The following ZC3H12B variants were observed in gnomAD, a reference collection of about 807,000 sequenced individuals.
ZC3H12B encodes probable ribonuclease ZC3H12B.
A neutral mutation model predicts 43.9 loss-of-function variants in ZC3H12B; 7 were observed. The ratio of observed to expected loss-of-function variants is 0.16; its 90% confidence interval spans 0.09 to 0.30. The LOEUF is 0.30. Among genes scored for constraint, ZC3H12B ranks in the 10% least tolerant of loss-of-function variants. ZC3H12B has a pLI of 1.00. For synonymous variants in ZC3H12B, 222 were observed against 241.7 expected (o/e 0.92, Z 0.76); for missense variants, 475 against 670.2 (o/e 0.71, Z 3.22).
chrX:65,222,694 T>C, the ZC3H12B span, among the ~76,000 whole-genome samples: 2 of 108,301 alleles, frequency 1.8e-5, no homozygotes, highest in Non-Finnish European at 3.8e-5. Flanking sequence ...GAAAGACCTC[T>C]ACATGGAAAA....
At chrX:65,296,677 C>A in the ZC3H12B span, among the ~76,000 whole-genome samples, 1 of 110,429 alleles carries the variant, frequency 9.1e-6, no homozygotes, top group Non-Finnish European at 1.9e-5. Context: ...CACCTTAATA[C>A]CAAAACCAGG....
At chrX:65,207,165 T>A in the ZC3H12B span, among the ~76,000 whole-genome samples, 1 of 107,394 alleles carries the variant, frequency 9.3e-6, no homozygotes, top group Non-Finnish European at 1.9e-5. Context: ...GGGTTTCTAC[T>A]TAGAAAAAAA....
chrX:65,249,866 G>A, the ZC3H12B span, among the ~76,000 whole-genome samples: 1 of 93,933 alleles, frequency 1.1e-5, no homozygotes, highest in Admixed American at 1.3e-4. Context: ...TTCTCCACTT[G>A]GTTGTTGTTG....
chrX:65,492,515 G>A (rs1201128980), intron 1 of ZC3H12B, among the ~76,000 whole-genome samples: 3 of 111,863 alleles, frequency 2.7e-5, no homozygotes, highest in Admixed American at 1.9e-4. Flanking sequence ...TACTAAAATA[G>A]TGCAGAGTAG....
At chrX:65,329,928 A>G in the ZC3H12B span, among the ~76,000 whole-genome samples, 3 of 111,943 alleles carry the variant, frequency 2.7e-5, no homozygotes, top group South Asian at 1.1e-3. Flanking sequence ...TGGTACCAGT[A>G]CCATGCTGTT....
At chrX:65,450,815 GTA>G (rs1231668695) in intron 3 of ZC3H12B, among the ~76,000 whole-genome samples, 27 of 63,980 alleles carry the variant, frequency 4.2e-4, no homozygotes, top group Admixed American at 7.7e-4. Context: ...GTGTATATAT[GTA>G]TATATATACA....
chrX:65,245,123 A>G, the ZC3H12B span, among the ~76,000 whole-genome samples: 1 of 111,850 alleles, frequency 8.9e-6, no homozygotes, highest in Non-Finnish European at 1.9e-5. Flanking sequence ...CCCTCTATCT[A>G]CATAAACTCG....
At chrX:65,063,277 G>A in the ZC3H12B span, among the ~76,000 whole-genome samples, 6 of 111,903 alleles carry the variant, frequency 5.4e-5, no homozygotes, top group African/African-American at 1.9e-4. Context: ...TGCCCATTCA[G>A]TATGATATTG....
chrX:65,130,352 G>A, the ZC3H12B span, among the ~76,000 whole-genome samples: 1 of 111,366 alleles, frequency 9.0e-6, no homozygotes, highest in Non-Finnish European at 1.9e-5. Flanking sequence ...CTGACAGAAG[G>A]GAAGAAATGA....
At chrX:65,083,189 T>C in the ZC3H12B span, among the ~76,000 whole-genome samples, 1 of 111,164 alleles carries the variant, frequency 9.0e-6, no homozygotes, top group African/African-American at 3.3e-5. Context: ...GCTTTTCCTC[T>C]AGACTCGGGA....
At chrX:65,496,753 C>T (rs1295507747) in intron 1 of ZC3H12B, among the ~76,000 whole-genome samples, 3 of 110,223 alleles carry the variant, frequency 2.7e-5, no homozygotes, top group African/African-American at 6.6e-5. Flanking sequence ...GTCAGGAGTT[C>T]GAGACCAGCC....
At chrX:65,125,737 T>C in the ZC3H12B span, among the ~76,000 whole-genome samples, 1 of 111,303 alleles carries the variant, frequency 9.0e-6, no homozygotes, top group South Asian at 3.7e-4. Flanking sequence ...TCTTTGTCTA[T>C]TAAACTGCTG....
chrX:65,457,089 C>T (rs1158666842), intron 3 of ZC3H12B, among the ~76,000 whole-genome samples: 2 of 90,490 alleles, frequency 2.2e-5, no homozygotes, highest in African/African-American at 8.2e-5. Context: ...CACCTCTGCC[C>T]CGCCGCCCTG....
chrX:65,462,177 A>G (rs1156669422), intron 3 of ZC3H12B, among the ~76,000 whole-genome samples: 1 of 110,805 alleles, frequency 9.0e-6, no homozygotes, highest in Non-Finnish European at 1.9e-5. Flanking sequence ...TTAGGTGCCT[A>G]TTTCTTCACC....
intron 1 of ZC3H12B, among the ~76,000 whole-genome samples, chrX:65,494,180 T>G (rs958411583): frequency 9.0e-6 from 1 of 110,828 alleles, no homozygotes; most frequent in Non-Finnish European, 1.9e-5. Flanking sequence ...GATTTTGGAG[T>G]TTTTTTTCTT....
chrX:65,401,703 G>A (rs2066764576), intron 3 of ZC3H12B, among the ~76,000 whole-genome samples: 1 of 111,534 alleles, frequency 9.0e-6, no homozygotes, highest in African/African-American at 3.3e-5. Flanking sequence ...AGAGTAATGG[G>A]AAAAGTGAGG....
chrX:65,424,808 C>G (rs921215334), intron 3 of ZC3H12B, among the ~76,000 whole-genome samples: 3 of 111,501 alleles, frequency 2.7e-5, no homozygotes, highest in African/African-American at 9.8e-5. Flanking sequence ...GTTCTCTATT[C>G]TGTTTCATTG....
the ZC3H12B span, among the ~76,000 whole-genome samples, chrX:65,239,222 T>G: frequency 9.0e-6 from 1 of 111,258 alleles, no homozygotes; most frequent in Non-Finnish European, 1.9e-5. Flanking sequence ...TCTTTGTAGG[T>G]CTCTAAAAAC....
At chrX:65,124,681 T>A in the ZC3H12B span, among the ~76,000 whole-genome samples, 1 of 111,125 alleles carries the variant, frequency 9.0e-6, no homozygotes, top group African/African-American at 3.3e-5. Context: ...TTGGCTTGTT[T>A]AGAGATTCTA....
Sources: gnomAD v4.1 joint callset for allele counts (sites outside exome capture counted in the v4.1 genomes callset) on GRCh38, gnomAD v4.1.1 for gene constraint, MANE v1.5 for transcripts, NCBI Gene and HGNC (gene_info 2026-07-23, HGNC 2026-07-21) for gene names.